Variants in PHKB observed in about 807,000 individuals in gnomAD.
PHKB encodes the protein phosphorylase b kinase regulatory subunit beta.
PHKB carries 122 observed loss-of-function variants against 152.1 expected under a neutral mutation model. That is an observed-to-expected ratio of 0.80 (90% confidence interval 0.69 to 0.93). PHKB has a LOEUF of 0.93. PHKB is among the 40% of genes least tolerant of loss of function. PHKB has a pLI of 0.00. For synonymous variants in PHKB, 436 were observed against 464.9 expected (o/e 0.94, Z 0.80); for missense variants, 1,304 against 1,328.4 (o/e 0.98, Z 0.29).
intron 14 of PHKB, among the ~76,000 whole-genome samples, chr16:47,635,009 G>A (rs886195088): frequency 1.3e-5 from 2 of 152,054 alleles, no homozygotes; most frequent in Non-Finnish European, 2.9e-5. Flanking sequence ...GGTGGGATGG[G>A]GTTTAAGACT....
chr16:47,558,312 G>T (rs761644981), intron 7 of PHKB, among the ~76,000 whole-genome samples: 14 of 151,864 alleles, frequency 9.2e-5, no homozygotes, highest in Non-Finnish European at 1.6e-4. Context: ...CAGCACACCA[G>T]CATGGCACAG....
intron 7 of PHKB, chr16:47,547,756 G>T (rs531629496): frequency 3.8e-6 from 2 of 521,726 alleles, no homozygotes; most frequent in Admixed American, 6.4e-5. Flanking sequence ...AAAGAAGTAG[G>T]TGTCTTTCCC....
rs5816579 is a variant in PHKB, at chr16:47,698,601, C to CTTT, written c.3144+32_3144+34dup. 0.051 allele frequency: 36,301 copies of CTTT among 711,994 alleles called. 285 individuals carry two copies. Among genetic ancestry groups the CTTT allele is most frequent in the African/African-American group, 0.11 (4,138 of 36,400 alleles). The allele number at this position is 711,994 out of a possible 1,614,324, so 44.1% of individuals were successfully genotyped here. On this transcript the variant is annotated intron_variant, in intron 30 of 30. Transcript: ENST00000323584. ...AATTGAAAAACAAGTAAGTACACAG[C>CTTT]TTTTTTTTTTTTTTTTTTTTTGAGA... is the stretch of plus-strand genomic sequence containing the variant.
At chr16:47,546,953 C>T (rs1410107946) in intron 6 of PHKB, among the ~76,000 whole-genome samples, 4 of 152,108 alleles carry the variant, frequency 2.6e-5, no homozygotes, top group Non-Finnish European at 5.9e-5. Context: ...TTGCCAAGAC[C>T]AGTGGAAAAG....
intron 6 of PHKB, among the ~76,000 whole-genome samples, chr16:47,541,822 C>T (rs1251046258): frequency 2.0e-5 from 3 of 151,918 alleles, no homozygotes; most frequent in African/African-American, 7.2e-5. Context: ...TGTTCATATC[C>T]TTTGCCCACT....
chr16:47,697,390 C>T (rs1046370914), intron 29 of PHKB, among the ~76,000 whole-genome samples: 14 of 152,166 alleles, frequency 9.2e-5, no homozygotes, highest in African/African-American at 2.4e-4. Context: ...CGTGAAAAGA[C>T]GGGGTTATTA....
At chr16:47,465,494 C>T (rs1969652516) in intron 1 of PHKB, among the ~76,000 whole-genome samples, 5 of 152,094 alleles carry the variant, frequency 3.3e-5, no homozygotes, top group Admixed American at 2.6e-4. Flanking sequence ...ATAGAATGCA[C>T]CAAGAAACAG....
At chr16:47,574,299 C>T (rs1045917805) in intron 7 of PHKB, among the ~76,000 whole-genome samples, 35 of 152,182 alleles carry the variant, frequency 2.3e-4, no homozygotes, top group African/African-American at 8.4e-4. Flanking sequence ...TGCCCAGTTC[C>T]CCAGTGTCAA....
Position 47,610,850 on chromosome 16 carries a change from A to T in PHKB, c.1388A>T (p.Asp463Val), listed in dbSNP as rs748299785. ...GCTGATGAACTTATTAGTCCTAAAG[A>T]CATTGATCCTGTCCAGCGCTATGTC... ...LLADELISPK[D>V]IDPVQRYVPL... The change falls in exon 14 of 31, where the codon GAC becomes GTC. Residue 463 changes from aspartate (D) to valine (V), a missense_variant. By Grantham distance (152) the Asp-to-Val change is radical. Coordinates refer to ENST00000323584, the MANE Select transcript of PHKB (RefSeq NM_000293.3). The T allele has an allele frequency of 6.2e-7, 1 of 1,607,368 alleles. No individual in the cohort carries two copies. Among genetic ancestry groups the T allele is most frequent in the South Asian group, 1.1e-5 (1 of 90,944 alleles).
chr16:47,696,023 G>A (rs1039367855), intron 28 of PHKB, among the ~76,000 whole-genome samples: 1 of 152,226 alleles, frequency 6.6e-6, no homozygotes, highest in African/African-American at 2.4e-5. Context: ...CTGTGCGGGA[G>A]CCTGACAGCA....
intron 11 of PHKB, among the ~76,000 whole-genome samples, 162 bp downstream of exon 11, chr16:47,593,719 A>T (rs1292189616): frequency 1.3e-5 from 2 of 152,096 alleles, no homozygotes; most frequent in African/African-American, 4.8e-5. Context: ...TGTATATACT[A>T]CTCTTTTGCT....
At chr16:47,628,061 G>A (rs1165911454) in intron 14 of PHKB, among the ~76,000 whole-genome samples, 1 of 152,176 alleles carries the variant, frequency 6.6e-6, no homozygotes, top group Non-Finnish European at 1.5e-5. Context: ...GGCCCCCAAA[G>A]CAGAGGCATA....
chr16:47,487,785 A>G (rs1970074538), intron 1 of PHKB, among the ~76,000 whole-genome samples: 1 of 152,116 alleles, frequency 6.6e-6, no homozygotes, highest in South Asian at 2.1e-4. Context: ...CCATTTTTTT[A>G]TGGCTGCATG....
chr16:47,599,457 T>G (rs553822351), intron 13 of PHKB, among the ~76,000 whole-genome samples: 1 of 152,182 alleles, frequency 6.6e-6, no homozygotes, highest in Non-Finnish European at 1.5e-5. Context: ...ATAAGCAAAT[T>G]GAGCTTTAAA....
chr16:47,527,006 G>T (rs1049502035), intron 6 of PHKB, among the ~76,000 whole-genome samples: 3 of 152,106 alleles, frequency 2.0e-5, no homozygotes, highest in African/African-American at 7.2e-5. Context: ...GGAGTGGGGA[G>T]GGAGGTGCCA....
At chr16:47,608,125 AT>A (rs1228227370) in intron 13 of PHKB, among the ~76,000 whole-genome samples, 1 of 151,960 alleles carries the variant, frequency 6.6e-6, no homozygotes, top group Non-Finnish European at 1.5e-5. Context: ...TTTTCTCACC[AT>A]TCTTTGGGCT....
chr16:47,648,423 C>T, intron 16 of PHKB, 110 bp from the exon 17 acceptor site: 1 of 823,400 alleles, frequency 1.2e-6, no homozygotes, highest in Admixed American at 1.7e-5. Flanking sequence ...ATTAGGGTTC[C>T]CTAGCTTCTT....
intron 24 of PHKB, 122 bp from the exon 25 acceptor site, chr16:47,664,763 T>A (rs1024791199): frequency 1.4e-6 from 1 of 720,892 alleles, no homozygotes; most frequent in Non-Finnish European, 2.5e-6. Context: ...TTACACTTTA[T>A]GCATTTCAGA....
At chr16:47,609,515 C>T (rs570076713) in intron 13 of PHKB, among the ~76,000 whole-genome samples, 1 of 151,240 alleles carries the variant, frequency 6.6e-6, no homozygotes, top group South Asian at 2.1e-4. Flanking sequence ...CCAGTGACGC[C>T]ATCTAGTCCT....
Sources: gnomAD v4.1 joint callset for allele counts (sites outside exome capture counted in the v4.1 genomes callset) on GRCh38, gnomAD v4.1.1 for gene constraint, MANE v1.5 for transcripts, NCBI Gene and HGNC (gene_info 2026-07-23, HGNC 2026-07-21) for gene names.